The following CSMD3 variants were observed in gnomAD, a reference collection of about 807,000 sequenced individuals.
CSMD3 encodes the protein CUB and sushi domain-containing protein 3.
A neutral mutation model predicts 435.2 loss-of-function variants in CSMD3; 177 were observed. The observed-to-expected ratio is 0.41, with a 90% confidence interval of 0.36 to 0.46. CSMD3 has a LOEUF of 0.46. Among genes scored for constraint, CSMD3 ranks in the 20% least tolerant of loss-of-function variants. CSMD3 has a pLI of 0.34. For missense variants in CSMD3, 4,265 were observed against 4,504.6 expected, an observed-to-expected ratio of 0.95 and a Z score of 1.52; for synonymous variants, 1,656 against 1,520.5, an observed-to-expected ratio of 1.09 and a Z score of -2.07.
chr8:112,452,944 A>C (rs1200705035), intron 32 of CSMD3, among the ~76,000 whole-genome samples: 2 of 152,192 alleles, frequency 1.3e-5, no homozygotes, highest in Non-Finnish European at 2.9e-5. Context: ...GGCCTAAATG[A>C]TGTTATTGCA....
At chr8:112,637,345 G>T (rs1422785907) in intron 21 of CSMD3, among the ~76,000 whole-genome samples, 2 of 152,098 alleles carry the variant, frequency 1.3e-5, no homozygotes, top group African/African-American at 4.8e-5. Context: ...CATAAGAACT[G>T]CATATTTTCA....
intron 4 of CSMD3, among the ~76,000 whole-genome samples, chr8:113,132,660 C>T (rs911220230): frequency 6.6e-6 from 1 of 152,038 alleles, no homozygotes; most frequent in African/African-American, 2.4e-5. Flanking sequence ...TTAGCTAGTT[C>T]TTTATAGTAG....
Position 113,113,743 on chromosome 8 carries a change from C to G in CSMD3, c.710-14780G>C, listed in dbSNP as rs958218457. On this transcript the variant is annotated intron_variant, in intron 4 of 70. Transcript: ENST00000297405. ...ACTTGTCCTAAGTAACTGCTTCAAG[C>G]TGCTAGAGTTTCTGAGAGTCTTCTC... Among the ~76,000 whole-genome samples, 11 of 152,192 alleles carry G rather than the reference C, an allele frequency of 7.2e-5. No homozygotes were observed. In the South Asian group the frequency reaches 1.4e-3, roughly 20 times the overall value.
chr8:112,364,516 T>C (rs1827571185), intron 38 of CSMD3, among the ~76,000 whole-genome samples: 1 of 152,068 alleles, frequency 6.6e-6, no homozygotes, highest in Non-Finnish European at 1.5e-5. Flanking sequence ...TTGATTTACA[T>C]ATGCTGCAAG....
At chr8:112,279,052 C>A (rs1425917598) in intron 59 of CSMD3, among the ~76,000 whole-genome samples, 2 of 141,298 alleles carry the variant, frequency 1.4e-5, no homozygotes, top group African/African-American at 2.6e-5. Flanking sequence ...ACAACAACAA[C>A]AACAAAACAC....
chr8:112,514,458 T>G (rs2081112350), intron 28 of CSMD3, among the ~76,000 whole-genome samples: 1 of 152,186 alleles, frequency 6.6e-6, no homozygotes, highest in African/African-American at 2.4e-5. Flanking sequence ...CAGTGTTTTC[T>G]GAGGCAGTTA....
intron 13 of CSMD3, among the ~76,000 whole-genome samples, chr8:112,798,143 G>A (rs1393718516): frequency 6.6e-6 from 1 of 151,856 alleles, no homozygotes; most frequent in Non-Finnish European, 1.5e-5. Flanking sequence ...TTTGAACTTT[G>A]CCTTGAAGGA....
rs552106924 is a variant in CSMD3, at chr8:112,332,400, A to G, written c.7165+2929T>C. 2.6e-5 allele frequency among the ~76,000 whole-genome samples: 4 copies of G among 152,310 alleles called. 1 individual carries two copies. The highest frequency in any genetic ancestry group is 9.6e-5 in the African/African-American group (4 of 41,596). ...ATGATGGAGATGAAGATGAGATTTA[A>G]GAATGGAAGTTCAGGAGGCAGTGAG... is the stretch of plus-strand genomic sequence containing the variant. On this transcript the variant is annotated intron_variant, in intron 45 of 70. Transcript: ENST00000297405.
intron 18 of CSMD3, among the ~76,000 whole-genome samples, chr8:112,651,586 G>A (rs1242712827): frequency 6.7e-6 from 1 of 149,222 alleles, no homozygotes; most frequent in African/African-American, 2.5e-5. Flanking sequence ...CGCCCAGGCT[G>A]GAGTACAATG....
intron 13 of CSMD3, among the ~76,000 whole-genome samples, chr8:112,736,742 T>C (rs2077193408): frequency 6.6e-6 from 1 of 152,016 alleles, no homozygotes. Context: ...CATTTTGTAT[T>C]TCTGGTGTAG....
At chr8:112,737,456 T>A (rs554726636) in intron 13 of CSMD3, among the ~76,000 whole-genome samples, 1 of 151,924 alleles carries the variant, frequency 6.6e-6, no homozygotes, top group African/African-American at 2.4e-5. Context: ...GATTAGTACC[T>A]AAAGGCAGAT....
chr8:112,802,087 G>A (rs961842318), intron 12 of CSMD3, among the ~76,000 whole-genome samples: 13 of 151,508 alleles, frequency 8.6e-5, no homozygotes, highest in African/African-American at 3.1e-4. Flanking sequence ...ACTCATTGCT[G>A]GTGTAAGGGT....
chr8:113,210,675 C>T (rs917451624), intron 3 of CSMD3, among the ~76,000 whole-genome samples: 4 of 151,716 alleles, frequency 2.6e-5, no homozygotes, highest in African/African-American at 7.3e-5. Flanking sequence ...GTCAGGAGTT[C>T]GAGACCAGCC....
At chr8:113,019,033 T>C in intron 6 of CSMD3, 34 bp downstream of exon 6, 1 of 1,303,822 alleles carries the variant, frequency 7.7e-7, no homozygotes, top group Non-Finnish European at 1.1e-6. Context: ...TTATTTTACA[T>C]ATCAAAAGAG....
At chr8:112,946,915 T>C (rs1049660372) in intron 9 of CSMD3, among the ~76,000 whole-genome samples, 2 of 151,736 alleles carry the variant, frequency 1.3e-5, no homozygotes, top group African/African-American at 2.4e-5. Flanking sequence ...TATAGGTCTA[T>C]ATTCTAAGAA....
chr8:112,621,444 C>G (rs528916588), intron 22 of CSMD3, among the ~76,000 whole-genome samples: 1 of 152,048 alleles, frequency 6.6e-6, no homozygotes, highest in South Asian at 2.1e-4. Flanking sequence ...TTTCCTTCTT[C>G]TCAGCAAAAT....
At chr8:112,868,079 CTTTATAA>C (rs2081035139) in intron 10 of CSMD3, among the ~76,000 whole-genome samples, 1 of 151,874 alleles carries the variant, frequency 6.6e-6, no homozygotes, top group Non-Finnish European at 1.5e-5. Flanking sequence ...ATTTTTTACT[CTTTATAA>C]TTTATTTAAA....
intron 10 of CSMD3, among the ~76,000 whole-genome samples, chr8:112,863,826 A>T (rs751130749): frequency 1.3e-5 from 2 of 152,034 alleles, no homozygotes; most frequent in African/African-American, 2.4e-5. Flanking sequence ...GTATATAAGA[A>T]TTCCATGCCT....
chr8:113,044,353 G>C (rs1401471549), intron 5 of CSMD3, among the ~76,000 whole-genome samples: 1 of 129,682 alleles, frequency 7.7e-6, no homozygotes, highest in Non-Finnish European at 1.9e-5. Flanking sequence ...ACTGTCTTCA[G>C]TGTCTAGAAC....
Sources: allele counts gnomAD v4.1 joint callset (sites outside exome capture counted in the v4.1 genomes callset), GRCh38; gene constraint gnomAD v4.1.1; transcripts MANE v1.5; gene names NCBI Gene and HGNC (gene_info 2026-07-23, HGNC 2026-07-21).